Variants in USP9X observed in about 807,000 individuals in gnomAD.
USP9X encodes the protein ubiquitin specific peptidase 9 X-linked, also known as ubiquitin carboxyl-terminal hydrolase 9X.
A neutral mutation model predicts 190.3 loss-of-function variants in USP9X; 7 were observed. The ratio of observed to expected loss-of-function variants is 0.04; its 90% CI spans 0.02 to 0.07. The LOEUF (loss-of-function observed/expected upper bound fraction) is 0.07, where lower values mean the gene tolerates loss of function less well. USP9X is among the 10% of genes least tolerant of loss of function. The pLI is 1.00. For synonymous variants in USP9X, 645 were observed against 659.5 expected (o/e 0.98, Z 0.34); for missense variants, 1,010 against 1,916.9 (o/e 0.53, Z 8.83).
chrX:41,154,008 A>G (rs1280110322), intron 14 of USP9X, among the ~76,000 whole-genome samples: 2 of 111,921 alleles, frequency 1.8e-5, no homozygotes, highest in Non-Finnish European at 3.8e-5. Flanking sequence ...CCTCGTGCTT[A>G]AGAATTACCA....
chrX:41,159,770 C>G (rs758526190), intron 14 of USP9X, among the ~76,000 whole-genome samples: 1 of 111,191 alleles, frequency 9.0e-6, no homozygotes, highest in East Asian at 2.8e-4. Flanking sequence ...ATGATCAGCC[C>G]TCCTCAGCCT....
At chrX:41,197,057 T>A (rs1666031353) in intron 28 of USP9X, among the ~76,000 whole-genome samples, 1 of 112,254 alleles carries the variant, frequency 8.9e-6, no homozygotes, top group Admixed American at 9.5e-5. Context: ...AAAATGAGTC[T>A]GATAGAGCAG....
intron 6 of USP9X, 118 bp downstream of exon 6, chrX:41,137,140 C>A: frequency 1.4e-6 from 1 of 700,782 alleles, no homozygotes; most frequent in Non-Finnish European, 2.1e-6. Context: ...TGAAAATACA[C>A]ACAACCAGGA....
chrX:41,218,703 T>A, intron 37 of USP9X, 106 bp downstream of exon 37: 1 of 719,858 alleles, frequency 1.4e-6, no homozygotes, highest in Non-Finnish European at 2.1e-6. Flanking sequence ...TATGTTTACC[T>A]AACAGAAACA....
chrX:41,095,043 CAAAA>C (rs35922180), intron 1 of USP9X, among the ~76,000 whole-genome samples: 2 of 70,797 alleles, frequency 2.8e-5, no homozygotes, highest in African/African-American at 1.0e-4. Context: ...GACTCCGTCT[CAAAA>C]AAAAAAAAAA....
chrX:41,131,760 C>G (rs1475920581), intron 4 of USP9X, among the ~76,000 whole-genome samples: 1 of 111,244 alleles, frequency 9.0e-6, no homozygotes, highest in Non-Finnish European at 1.9e-5. Flanking sequence ...TTCATTGTTT[C>G]GTCAGATTTG....
intron 1 of USP9X, among the ~76,000 whole-genome samples, chrX:41,094,797 G>A (rs2061977840): frequency 9.1e-6 from 1 of 109,626 alleles, no homozygotes; most frequent in South Asian, 4.0e-4. Flanking sequence ...CCAGCACTTT[G>A]GGAGGCTGAG....
At chrX:41,125,671 CACACACACACACACTCTCTCTCT>C (rs2062234819) in intron 2 of USP9X, among the ~76,000 whole-genome samples, 1 of 55,468 alleles carries the variant, frequency 1.8e-5, no homozygotes, top group Non-Finnish European at 3.5e-5. Flanking sequence ...CACACACACA[CACACACACACACACTCTCTCTCT>C]CTCTCTCTCT....
At chrX:41,224,626 A>T in intron 39 of USP9X, 116 bp from the exon 40 acceptor site, 1 of 641,107 alleles carries the variant, frequency 1.6e-6, no homozygotes, top group Admixed American at 3.8e-5. Flanking sequence ...ACAGAGCGAG[A>T]CTCCATCTTA....
intron 14 of USP9X, among the ~76,000 whole-genome samples, chrX:41,162,217 A>G (rs1032333996): frequency 9.0e-6 from 1 of 111,704 alleles, no homozygotes; most frequent in Non-Finnish European, 1.9e-5. Flanking sequence ...TGCACATACC[A>G]TAGGGTCTGG....
rs775016650 is a variant in USP9X, at chrX:41,214,554, T to TA, written c.5190-11dup. ...AAAACTAAGGGATAAATCCTTTTTT[T>TA]AAATCGTTTTTAGGTACGAATGTGA... On this transcript the variant is annotated splice_polypyrimidine_tract_variant and intron_variant, in intron 33 of 44. Coordinates refer to ENST00000378308, the MANE Select transcript of USP9X (RefSeq NM_001039591.3). The TA allele has an allele frequency of 1.7e-6, 2 of 1,148,631 alleles. No individual in the cohort carries two copies. The highest frequency in any genetic ancestry group is 3.7e-5 in the African/African-American group (2 of 53,821). The allele number at this position is 1,148,631 out of a possible 1,213,427, so 94.7% of individuals were successfully genotyped here.
At position 41,233,982 on chromosome X, in the gene USP9X, T is replaced by G. The variant is rs1047214269; in HGVS notation, c.*1458T>G. 4 of 111,300 alleles carry G rather than the reference T, an allele frequency of 3.6e-5. No individual in the cohort carries two copies. The highest frequency in any genetic ancestry group is 1.3e-4 in the African/African-American group (4 of 30,664). 9.2% of individuals were successfully genotyped at this position (111,300 alleles called of 1,213,427 possible). ...TGCTGAATTCACAAATAGAATTTGA[T>G]TTAAGAAGAACTTTTTGTCCTGTGG... On this transcript the variant is annotated 3_prime_UTR_variant, in exon 45 of 45. Coordinates refer to ENST00000378308, the MANE Select transcript of USP9X (RefSeq NM_001039591.3).
At chrX:41,146,154 T>TATCCCCTGTATATCTGCTGTA (rs2062461884) in intron 11 of USP9X, among the ~76,000 whole-genome samples, 1 of 111,777 alleles carries the variant, frequency 8.9e-6, no homozygotes, top group Non-Finnish European at 1.9e-5. Flanking sequence ...AAAGGGGTTG[T>TATCCCCTGTATATCTGCTGTA]TATTATATCT....
intron 2 of USP9X, among the ~76,000 whole-genome samples, chrX:41,125,729 C>CGT (rs1399109152): frequency 9.4e-6 from 1 of 106,115 alleles, no homozygotes; most frequent in African/African-American, 3.5e-5. Flanking sequence ...CGCGCACGCG[C>CGT]GCGCGCTCTC....
At position 41,186,570 on chromosome X, in the gene USP9X, C is replaced by T; in HGVS notation, c.3612C>T (p.Ser1204=). 8.3e-7 allele frequency: 1 copy of T among 1,210,885 alleles called. No individual in the cohort carries two copies. ...TGGTGCTACAAAGTGCCCTTCAGAGCATTCCTAATCCATCATCCGAGTGCA... is the reference window on the plus strand; with the variant it reads ...TGGTGCTACAAAGTGCCCTTCAGAGTATTCCTAATCCATCATCCGAGTGCA... ...QAVVLQSALQ[S]IPNPSSECML... The change falls in exon 24 of 45, where the codon AGC becomes AGT. Residue 1204 remains serine, a synonymous_variant. Coordinates refer to ENST00000378308, the MANE Select transcript of USP9X (RefSeq NM_001039591.3).
intron 1 of USP9X, among the ~76,000 whole-genome samples, chrX:41,097,870 C>A (rs777938588): frequency 1.1e-3 from 118 of 111,646 alleles, no homozygotes; most frequent in Admixed American, 2.5e-3. Flanking sequence ...GAAAAGATCT[C>A]AGGGATCTTT....
At chrX:41,171,355 A>G (rs1244179151) in intron 20 of USP9X, among the ~76,000 whole-genome samples, 1 of 111,868 alleles carries the variant, frequency 8.9e-6, no homozygotes, top group East Asian at 2.8e-4. Flanking sequence ...AAATAAATGA[A>G]AACAAGAACT....
chrX:41,152,792 A>T, intron 13 of USP9X, 156 bp from the exon 14 acceptor site: 2 of 233,451 alleles, frequency 8.6e-6, no homozygotes, highest in Non-Finnish European at 1.2e-5. Context: ...TGAAGAGTTT[A>T]AGTTGGTTGT....
At position 41,196,858 on chromosome X, in the gene USP9X, A is replaced by T. The variant is rs1462129436; in HGVS notation, c.4233+120A>T. On this transcript the variant is annotated intron_variant, in intron 28 of 44. Transcript: ENST00000378308. ...AAAACTCCAAAGATTGATAAAAGGG[A>T]CCAAAGAATGTACTCTGCATCAGTG... 6 of 572,957 alleles carry T rather than the reference A, an allele frequency of 1.0e-5. No homozygotes were observed. In the Admixed American group the frequency reaches 2.8e-4, roughly 27 times the overall value. 47.2% of individuals were successfully genotyped at this position (572,957 alleles called of 1,213,427 possible). A position where few individuals can be genotyped will look rare whatever the true frequency, so the allele number is the denominator to read the frequency against.
Sources: allele counts gnomAD v4.1 joint callset (sites outside exome capture counted in the v4.1 genomes callset), GRCh38; gene constraint gnomAD v4.1.1; transcripts MANE v1.5; gene names NCBI Gene and HGNC (gene_info 2026-07-23, HGNC 2026-07-21).